ADAMTSL1: variants seen among roughly 807,000 people sequenced by gnomAD.
ADAMTSL1 encodes the protein ADAMTS like 1.
Under a neutral mutation model 201.8 loss-of-function variants are expected in ADAMTSL1, and 126 were observed. That is an observed-to-expected ratio of 0.62 (90% CI 0.54 to 0.72). The LOEUF (loss-of-function observed/expected upper bound fraction) is 0.72, where lower values mean the gene tolerates loss of function less well. Ranked by LOEUF, ADAMTSL1 falls within the 30% of genes least tolerant of loss-of-function variation. ADAMTSL1 has a pLI of 0.00. For missense variants in ADAMTSL1, 2,679 were observed against 2,277.8 expected (o/e 1.18, Z -3.59); for synonymous variants, 1,121 against 903.4 (o/e 1.24, Z -4.32).
At chr9:18,376,592 G>T (rs1837305987) in intron 2 of ADAMTSL1, among the ~76,000 whole-genome samples, 1 of 152,126 alleles carries the variant, frequency 6.6e-6, no homozygotes, top group African/African-American at 2.4e-5. Context: ...ATCACCTGAG[G>T]TCAGGAGTTC....
intron 1 of ADAMTSL1, among the ~76,000 whole-genome samples, chr9:18,126,466 C>T (rs1326319531): frequency 6.6e-6 from 1 of 152,166 alleles, no homozygotes; most frequent in Non-Finnish European, 1.5e-5. Flanking sequence ...TTGGCGTTGT[C>T]TTTATCACAC....
intron 1 of ADAMTSL1, among the ~76,000 whole-genome samples, chr9:17,966,066 A>T (rs192436514): frequency 6.6e-6 from 1 of 152,286 alleles, no homozygotes; most frequent in East Asian, 1.9e-4. Flanking sequence ...TGTTTGTCAC[A>T]TTGTTGCAAA....
chr9:18,520,791 G>T (rs1818643804), intron 2 of ADAMTSL1, among the ~76,000 whole-genome samples: 1 of 151,984 alleles, frequency 6.6e-6, no homozygotes, highest in African/African-American at 2.4e-5. Context: ...CATCATAATT[G>T]TTTGGCTTGT....
intron 2 of ADAMTSL1, among the ~76,000 whole-genome samples, chr9:18,204,963 A>T (rs1829593303): frequency 6.6e-6 from 1 of 152,186 alleles, no homozygotes; most frequent in Admixed American, 6.5e-5. Context: ...GTTGGGCATT[A>T]CAACAGACAA....
intron 1 of ADAMTSL1, among the ~76,000 whole-genome samples, chr9:18,483,174 A>G (rs532178876): frequency 9.2e-5 from 14 of 152,366 alleles, no homozygotes; most frequent in African/African-American, 3.1e-4. Flanking sequence ...CCAGACAAAG[A>G]GTTTGATATA....
intron 2 of ADAMTSL1, among the ~76,000 whole-genome samples, chr9:18,343,610 A>G (rs1288222056): frequency 6.6e-6 from 1 of 152,160 alleles, no homozygotes; most frequent in Non-Finnish European, 1.5e-5. Flanking sequence ...TTAGATTTTT[A>G]CCTTCTCTCA....
intron 3 of ADAMTSL1, among the ~76,000 whole-genome samples, chr9:18,555,760 A>G: frequency 6.6e-6 from 1 of 152,078 alleles, no homozygotes; most frequent in Non-Finnish European, 1.5e-5. Context: ...ATATTGGATC[A>G]TGTCAGCCAG....
At chr9:18,557,652 G>C (rs1041930208) in intron 3 of ADAMTSL1, among the ~76,000 whole-genome samples, 5 of 151,976 alleles carry the variant, frequency 3.3e-5, no homozygotes, top group Non-Finnish European at 7.4e-5. Context: ...TTGGAGACTG[G>C]GAAGGAGAGA....
At chr9:18,707,284 T>C (rs1832286574) in intron 14 of ADAMTSL1, among the ~76,000 whole-genome samples, 1 of 152,212 alleles carries the variant, frequency 6.6e-6, no homozygotes, top group Non-Finnish European at 1.5e-5. Flanking sequence ...TGCTTTGGCT[T>C]TCAGTTGTCA....
chr9:18,547,633 T>TA (rs56789652), intron 3 of ADAMTSL1, among the ~76,000 whole-genome samples: 21,980 of 86,490 alleles, frequency 0.25, 2,815 homozygotes, highest in Admixed American at 0.34. Context: ...TATATATATA[T>TA]AAAAAAAAAA....
chr9:18,587,303 C>G (rs1314076590), intron 4 of ADAMTSL1, among the ~76,000 whole-genome samples: 2 of 152,024 alleles, frequency 1.3e-5, no homozygotes, highest in Admixed American at 1.3e-4. Flanking sequence ...AGGGCATGAA[C>G]AGGCACATTT....
At chr9:18,479,851 A>G (rs1173645774) in intron 1 of ADAMTSL1, among the ~76,000 whole-genome samples, 1 of 152,258 alleles carries the variant, frequency 6.6e-6, no homozygotes, top group Admixed American at 6.5e-5. Context: ...GAAAAATGTC[A>G]GCATTCATTT....
chr9:18,856,180 A>T (rs1318865151), intron 23 of ADAMTSL1, among the ~76,000 whole-genome samples: 1 of 152,234 alleles, frequency 6.6e-6, no homozygotes, highest in Non-Finnish European at 1.5e-5. Context: ...CAAAAATGGT[A>T]TAACTGCCGA....
chr9:18,128,767 A>G (rs1825838030), intron 1 of ADAMTSL1, among the ~76,000 whole-genome samples: 1 of 152,014 alleles, frequency 6.6e-6, no homozygotes. Context: ...TCTTCCCCAT[A>G]TTGTTCCAGT....
chr9:18,529,784 C>A (rs555770515), intron 2 of ADAMTSL1, among the ~76,000 whole-genome samples: 4 of 151,978 alleles, frequency 2.6e-5, no homozygotes, highest in Non-Finnish European at 5.9e-5. Flanking sequence ...ATTAAAGAAG[C>A]TCTCAAAAAA....
intron 23 of ADAMTSL1, among the ~76,000 whole-genome samples, chr9:18,841,520 C>T (rs984729668): frequency 1.1e-4 from 16 of 151,798 alleles, no homozygotes; most frequent in African/African-American, 2.9e-4. Context: ...TGTCTCTGCC[C>T]GGCTTTGGTA....
At chr9:18,774,492 A>G (rs1036870916) in intron 17 of ADAMTSL1, among the ~76,000 whole-genome samples, 3 of 151,928 alleles carry the variant, frequency 2.0e-5, no homozygotes, top group Non-Finnish European at 2.9e-5. Flanking sequence ...CCAGACTCCA[A>G]TCATCTTCAA....
intron 8 of ADAMTSL1, among the ~76,000 whole-genome samples, chr9:18,660,661 T>A (rs997565432): frequency 2.0e-5 from 3 of 152,342 alleles, no homozygotes; most frequent in African/African-American, 4.8e-5. Flanking sequence ...TACAGTGTAA[T>A]TGAAAAGTAA....
Position 18,776,799 on chromosome 9 carries a change from C to G in ADAMTSL1, c.2570C>G (p.Thr857Arg), listed in dbSNP as rs932965095. The G allele has an allele frequency of 1.1e-5, 17 of 1,555,362 alleles. No homozygotes were observed. Among genetic ancestry groups the G allele is most frequent in the Non-Finnish European group, 1.5e-5 (17 of 1,150,590 alleles). The change falls in exon 19 of 29, where the codon ACG (threonine) becomes AGG (arginine). Residue 857 changes from threonine (T) to arginine (R), a missense_variant. By Grantham distance (71) the Thr-to-Arg change is moderately conservative. Coordinates refer to ENST00000380548, the MANE Select transcript of ADAMTSL1 (RefSeq NM_001040272.6). ...CTTCCAGGGCCCGGGCGGCCATCCA[C>G]GAAGCACAGCCCGCACATCGCGGCC... Reference protein sequence around the residue: ...ATCARPGRPSTKHSPHIAAAR... With the variant: ...ATCARPGRPSRKHSPHIAAAR...
Sources: allele counts gnomAD v4.1 joint callset (sites outside exome capture counted in the v4.1 genomes callset), GRCh38; gene constraint gnomAD v4.1.1; transcripts MANE v1.5; gene names NCBI Gene and HGNC (gene_info 2026-07-23, HGNC 2026-07-21).